Variants in RAB36 observed in about 807,000 individuals in gnomAD.
RAB36 encodes ras-related protein Rab-36.
In RAB36, 33 loss-of-function variants were observed where a neutral mutation model predicts 39.3. The ratio of observed to expected loss-of-function variants is 0.84; its 90% CI spans 0.64 to 1.12. The LOEUF is 1.12. Among genes scored for constraint, RAB36 ranks in the 50% most tolerant of loss-of-function variants. RAB36 has a pLI of 0.00. For missense variants in RAB36, 308 were observed against 355.3 expected (o/e 0.87, Z 1.07); for synonymous variants, 133 against 140.2 (o/e 0.95, Z 0.36).
chr22:23,153,779 C>G (rs1271838273), intron 5 of RAB36, among the ~76,000 whole-genome samples: 1 of 144,720 alleles, frequency 6.9e-6, no homozygotes, highest in Non-Finnish European at 1.5e-5. Context: ...TCACTGCAAC[C>G]TCCACTTCAA....
intron 3 of RAB36, 43 bp from the exon 4 acceptor site, chr22:23,152,418 C>T: frequency 1.0e-5 from 16 of 1,607,734 alleles, no homozygotes; most frequent in Non-Finnish European, 1.4e-5. Flanking sequence ...TGAAGACACC[C>T]TGGAAGGCAT....
intron 4 of RAB36, 119 bp from the exon 5 acceptor site, chr22:23,152,913 AC>A: frequency 1.4e-6 from 1 of 738,836 alleles, no homozygotes; most frequent in East Asian, 2.5e-5. Context: ...GCCTGCGTGG[AC>A]CATCGCTTCC....
intron 3 of RAB36, among the ~76,000 whole-genome samples, chr22:23,150,596 C>T (rs1251340568): frequency 6.6e-6 from 1 of 152,154 alleles, no homozygotes; most frequent in Non-Finnish European, 1.5e-5. Context: ...CCACCGTGCC[C>T]AGCCAGATGA....
At chr22:23,151,414 C>T (rs572935251) in intron 3 of RAB36, among the ~76,000 whole-genome samples, 3 of 152,312 alleles carry the variant, frequency 2.0e-5, no homozygotes, top group East Asian at 3.9e-4. Context: ...AGGGTAGACA[C>T]AATCCCTGCT....
intron 4 of RAB36, 97 bp from the exon 5 acceptor site, chr22:23,152,936 G>A (rs1030788468): frequency 2.3e-6 from 2 of 862,204 alleles, no homozygotes; most frequent in African/African-American, 3.3e-5. Flanking sequence ...GATGGGAAGT[G>A]GACCTTATTT....
intron 1 of RAB36, chr22:23,145,867 G>C (rs904800122): frequency 1.7e-6 from 1 of 587,652 alleles, no homozygotes; most frequent in African/African-American, 2.0e-5. Flanking sequence ...CGAGGAGTCA[G>C]AGGCCTGGTG....
intron 4 of RAB36, 36 bp from the exon 5 acceptor site, chr22:23,152,997 A>G: frequency 4.8e-6 from 7 of 1,462,154 alleles, no homozygotes; most frequent in Non-Finnish European, 6.7e-6. Context: ...CATTTCTGTG[A>G]GTACACCCCT....
chr22:23,147,099 CGTT>C (rs1308417860), intron 2 of RAB36, among the ~76,000 whole-genome samples: 7 of 152,166 alleles, frequency 4.6e-5, no homozygotes, highest in Admixed American at 2.0e-4. Flanking sequence ...TTCTCATCAT[CGTT>C]GTTGTTATCA....
At position 23,164,801 on chromosome 22, in the gene RAB36, G is replaced by C. The variant is rs926092223; in HGVS notation, c.*3237G>C. On this transcript the variant is annotated 3_prime_UTR_variant, in exon 11 of 11. Coordinates refer to ENST00000263116, the MANE Select transcript of RAB36 (RefSeq NM_004914.5). ...CACCTGTCTCTTCTGCTGGAGACACGTACCTGAAGCAGGTCCTCTCCTGTC... is the reference window on the plus strand; with the variant it reads ...CACCTGTCTCTTCTGCTGGAGACACCTACCTGAAGCAGGTCCTCTCCTGTC... Among the ~76,000 whole-genome samples, 1 of 152,026 alleles carries C rather than the reference G, an allele frequency of 6.6e-6. No homozygotes were observed. The highest frequency in any genetic ancestry group is 1.5e-5 in the Non-Finnish European group (1 of 68,008).
intron 6 of RAB36, among the ~76,000 whole-genome samples, 195 bp from the exon 7 acceptor site, chr22:23,157,797 T>C (rs1311194034): frequency 6.6e-6 from 1 of 152,130 alleles, no homozygotes; most frequent in African/African-American, 2.4e-5. Flanking sequence ...GGCTGCCGGG[T>C]GCAGGCTGGA....
chr22:23,168,287 C>T (rs2072082744), downstream of RAB36, among the ~76,000 whole-genome samples: 3 of 152,160 alleles, frequency 2.0e-5, no homozygotes, highest in Admixed American at 1.3e-4. Context: ...AAGTCCTGGG[C>T]CCCCGGGGAT....
At chr22:23,149,624 G>A (rs2070990105) in intron 2 of RAB36, among the ~76,000 whole-genome samples, 1 of 152,226 alleles carries the variant, frequency 6.6e-6, no homozygotes, top group Non-Finnish European at 1.5e-5. Context: ...TGCAGCCTCT[G>A]TCTCTTGAGC....
At chr22:23,159,346 C>A in intron 9 of RAB36, 93 bp downstream of exon 9, 1 of 1,246,868 alleles carries the variant, frequency 8.0e-7, no homozygotes, top group Non-Finnish European at 1.1e-6. Flanking sequence ...CCTCTGTAGC[C>A]AGTCGTCTGT....
intron 5 of RAB36, chr22:23,153,471 C>T: frequency 1.5e-6 from 1 of 689,064 alleles, no homozygotes; most frequent in Non-Finnish European, 1.8e-6. Flanking sequence ...ACTCACCAGG[C>T]CAGCAGGGTG....
Position 23,159,147 on chromosome 22 carries a change from G to A in RAB36, c.529-16G>A. The A allele has an allele frequency of 6.2e-7, 1 of 1,610,314 alleles. No homozygotes were observed. Among genetic ancestry groups the A allele is most frequent in the Admixed American group, 1.7e-5 (1 of 59,630 alleles). On this transcript the variant is annotated splice_polypyrimidine_tract_variant and intron_variant, in intron 8 of 10. Coordinates refer to ENST00000263116, the MANE Select transcript of RAB36 (RefSeq NM_004914.5). ...GAGAGCCGGGACGCTGGGTCAACAAGGGCCATTTCTCCCAGTCAGGGGCCG... is the reference window on the plus strand; with the variant it reads ...GAGAGCCGGGACGCTGGGTCAACAAAGGCCATTTCTCCCAGTCAGGGGCCG...
chr22:23,145,352 A>G (rs746315546), upstream of RAB36: 6 of 1,586,654 alleles, frequency 3.8e-6, no homozygotes, highest in East Asian at 9.2e-5. Context: ...GACTCCAGGC[A>G]GGTTCTCGTT....
intron 10 of RAB36, 71 bp downstream of exon 10, chr22:23,161,069 G>A (rs764455635): frequency 2.1e-4 from 325 of 1,519,106 alleles, no homozygotes; most frequent in East Asian, 3.4e-4. Flanking sequence ...CGCCATCCTC[G>A]TCACCTGAGG....
intron 3 of RAB36, 50 bp downstream of exon 3, chr22:23,150,204 G>C (rs747525609): frequency 2.1e-6 from 3 of 1,402,912 alleles, no homozygotes; most frequent in South Asian, 2.4e-5. Flanking sequence ...GAAGGAATGA[G>C]TGCATGAAGC....
At chr22:23,155,931 T>C (rs763179276) in intron 5 of RAB36, 37 bp from the exon 6 acceptor site, 2 of 1,575,812 alleles carry the variant, frequency 1.3e-6, no homozygotes, top group Admixed American at 1.8e-5. Flanking sequence ...TTGTGTAGCC[T>C]GACACCATTT....
Sources: gnomAD v4.1 joint callset for allele counts (sites outside exome capture counted in the v4.1 genomes callset) on GRCh38, gnomAD v4.1.1 for gene constraint, MANE v1.5 for transcripts, NCBI Gene and HGNC (gene_info 2026-07-23, HGNC 2026-07-21) for gene names.